NRXN3: variants seen among roughly 807,000 people sequenced by gnomAD.
The protein encoded by NRXN3 is neurexin III.
NRXN3 carries 32 observed loss-of-function variants against 137.6 expected under a neutral mutation model. The observed-to-expected ratio is 0.23, with a 90% confidence interval of 0.18 to 0.31. The LOEUF (loss-of-function observed/expected upper bound fraction) is 0.31, where lower values mean the gene tolerates loss of function less well. Among genes scored for constraint, NRXN3 ranks in the 10% least tolerant of loss-of-function variants. The pLI, the probability that NRXN3 is intolerant of heterozygous loss-of-function variation, is 1.00. For synonymous variants in NRXN3, 798 were observed against 784.5 expected, an observed-to-expected ratio of 1.02 and a Z score of -0.29; for missense variants, 1,574 against 2,062.5, an observed-to-expected ratio of 0.76 and a Z score of 4.59.
intron 15 of NRXN3, among the ~76,000 whole-genome samples, chr14:79,121,698 A>G (rs1394500036): frequency 6.6e-6 from 1 of 152,210 alleles, no homozygotes; most frequent in Non-Finnish European, 1.5e-5. Flanking sequence ...AGAACTCATG[A>G]GATTGGTCAA....
chr14:79,377,966 C>T (rs1392430927), intron 15 of NRXN3, among the ~76,000 whole-genome samples: 2 of 152,156 alleles, frequency 1.3e-5, no homozygotes, highest in Non-Finnish European at 2.9e-5. Flanking sequence ...ATTAGTTATA[C>T]TCTTACAAGT....
chr14:78,838,550 T>C (rs1026258623), intron 10 of NRXN3, among the ~76,000 whole-genome samples: 3 of 152,198 alleles, frequency 2.0e-5, no homozygotes, highest in African/African-American at 7.2e-5. Context: ...AGGTTTGTAC[T>C]ATTCTTTCCA....
chr14:78,653,743 A>ACG (rs398025852), intron 6 of NRXN3, among the ~76,000 whole-genome samples: 33 of 151,560 alleles, frequency 2.2e-4, no homozygotes, highest in African/African-American at 7.5e-4. Context: ...ACACACACAC[A>ACG]TTTTTGCTGC....
chr14:79,690,177 G>A (rs2098711020), intron 17 of NRXN3, among the ~76,000 whole-genome samples: 1 of 152,174 alleles, frequency 6.6e-6, no homozygotes, highest in Non-Finnish European at 1.5e-5. Context: ...TCACCTGTAG[G>A]GTAGGATTAT....
intron 4 of NRXN3, among the ~76,000 whole-genome samples, chr14:78,480,510 T>G (rs1229950171): frequency 1.3e-5 from 2 of 152,216 alleles, no homozygotes; most frequent in African/African-American, 4.8e-5. Flanking sequence ...GGAATCTCAT[T>G]TTAAGAAATA....
chr14:78,982,638 A>G (rs1157432789), intron 14 of NRXN3, among the ~76,000 whole-genome samples: 1 of 152,200 alleles, frequency 6.6e-6, no homozygotes, highest in Non-Finnish European at 1.5e-5. Context: ...ATATACAAAC[A>G]TCATCTCAAA....
chr14:79,171,969 A>G (rs1005867678), intron 15 of NRXN3, among the ~76,000 whole-genome samples: 2 of 152,138 alleles, frequency 1.3e-5, no homozygotes, highest in African/African-American at 4.8e-5. Context: ...TTAATGTTTT[A>G]CTTTATCTTG....
intron 17 of NRXN3, among the ~76,000 whole-genome samples, chr14:79,668,928 ATT>A (rs919680894): frequency 2.0e-5 from 3 of 150,216 alleles, no homozygotes; most frequent in South Asian, 2.1e-4. Context: ...TATAAGAAAG[ATT>A]TTTTTTTTGT....
chr14:79,614,385 C>CT (rs11326859), intron 16 of NRXN3, among the ~76,000 whole-genome samples: 45 of 150,866 alleles, frequency 3.0e-4, no homozygotes, highest in African/African-American at 7.0e-4. Flanking sequence ...CCTTCATGAA[C>CT]TTTTTTTTTT....
At chr14:79,774,235 CTG>C (rs1460990158) in intron 19 of NRXN3, among the ~76,000 whole-genome samples, 1 of 152,110 alleles carries the variant, frequency 6.6e-6, no homozygotes, top group Admixed American at 6.6e-5. Flanking sequence ...TGTTGAGTGT[CTG>C]TAATCCCACA....
At chr14:79,773,449 T>C (rs1466704094) in intron 19 of NRXN3, among the ~76,000 whole-genome samples, 1 of 151,898 alleles carries the variant, frequency 6.6e-6, no homozygotes, top group Non-Finnish European at 1.5e-5. Context: ...TATGCAGCCA[T>C]AAAAAAGGAT....
intron 15 of NRXN3, among the ~76,000 whole-genome samples, chr14:79,268,128 A>C (rs2078723002): frequency 6.6e-6 from 1 of 152,222 alleles, no homozygotes; most frequent in Admixed American, 6.5e-5. Flanking sequence ...TGATTGAAGA[A>C]ACAAAAACAT....
At chr14:78,556,272 T>C (rs1162244664) in intron 4 of NRXN3, among the ~76,000 whole-genome samples, 2 of 152,236 alleles carry the variant, frequency 1.3e-5, no homozygotes, top group African/African-American at 2.4e-5. Flanking sequence ...AAGAGGCTGG[T>C]TAAATTGGAA....
chr14:79,392,057 G>A (rs1304111878), intron 15 of NRXN3, among the ~76,000 whole-genome samples: 1 of 151,882 alleles, frequency 6.6e-6, no homozygotes, highest in Non-Finnish European at 1.5e-5. Context: ...GGTTTGTTAT[G>A]TAGGTATACA....
intron 10 of NRXN3, among the ~76,000 whole-genome samples, chr14:78,953,110 C>A (rs1486452029): frequency 6.6e-6 from 1 of 152,138 alleles, no homozygotes; most frequent in Non-Finnish European, 1.5e-5. Context: ...TTTAAGAAAA[C>A]TGAAATAAAT....
At chr14:79,059,352 G>A (rs1235807433) in intron 15 of NRXN3, among the ~76,000 whole-genome samples, 2 of 149,768 alleles carry the variant, frequency 1.3e-5, no homozygotes, top group Non-Finnish European at 3.0e-5. Context: ...CCGCCTCCCG[G>A]GTTCATGCCA....
intron 1 of NRXN3, among the ~76,000 whole-genome samples, chr14:78,237,106 A>G (rs1345496605): frequency 1.3e-5 from 2 of 152,224 alleles, no homozygotes; most frequent in African/African-American, 2.4e-5. Context: ...GCCTTTGTTC[A>G]AGTGCATGGG....
At chr14:78,638,180 AG>A (rs1410125503) in intron 4 of NRXN3, among the ~76,000 whole-genome samples, 1 of 152,162 alleles carries the variant, frequency 6.6e-6, no homozygotes, top group Non-Finnish European at 1.5e-5. Context: ...AGTGTGGAAA[AG>A]TCTATTTATT....
intron 4 of NRXN3, among the ~76,000 whole-genome samples, chr14:78,511,829 A>G (rs2096113891): frequency 6.6e-6 from 1 of 152,084 alleles, no homozygotes; most frequent in African/African-American, 2.4e-5. Context: ...TCTAGAACCC[A>G]GGACTTCCAG....
Sources: gnomAD v4.1 joint callset for allele counts (sites outside exome capture counted in the v4.1 genomes callset) on GRCh38, gnomAD v4.1.1 for gene constraint, MANE v1.5 for transcripts, NCBI Gene and HGNC (gene_info 2026-07-23, HGNC 2026-07-21) for gene names.